GLG1: variants seen among roughly 807,000 people sequenced by gnomAD.
GLG1 encodes the protein golgi glycoprotein 1, also known as Golgi apparatus protein 1.
GLG1 carries 38 observed loss-of-function variants against 160.5 expected under a neutral mutation model. The ratio of observed to expected loss-of-function variants is 0.24; its 90% CI spans 0.18 to 0.31. The LOEUF (loss-of-function observed/expected upper bound fraction) is 0.31, where lower values mean the gene tolerates loss of function less well. Ranked by LOEUF, GLG1 falls within the 10% of genes least tolerant of loss-of-function variation. GLG1 has a pLI of 1.00. For synonymous variants in GLG1, 644 were observed against 543.4 expected (o/e 1.19, Z -2.57); for missense variants, 1,373 against 1,505.2 (o/e 0.91, Z 1.45).
At chr16:74,518,002 A>T (rs531894638) in intron 2 of GLG1, among the ~76,000 whole-genome samples, 44 of 152,246 alleles carry the variant, frequency 2.9e-4, no homozygotes, top group Non-Finnish European at 4.9e-4. Context: ...ATGGCTGTGA[A>T]GGACCTCTTC....
intron 3 of GLG1, among the ~76,000 whole-genome samples, chr16:74,507,396 A>G (rs186545407): frequency 2.1e-3 from 318 of 152,248 alleles, no homozygotes; most frequent in Middle Eastern, 3.4e-3. Flanking sequence ...CAAAACAAAC[A>G]TATGCGGGTA....
At chr16:74,576,715 T>C (rs1208325056) in intron 1 of GLG1, among the ~76,000 whole-genome samples, 2 of 152,206 alleles carry the variant, frequency 1.3e-5, no homozygotes, top group Non-Finnish European at 2.9e-5. Flanking sequence ...AACAAATCTA[T>C]TCTTTTTTAA....
At chr16:74,589,289 T>C (rs1958121920) in intron 1 of GLG1, among the ~76,000 whole-genome samples, 1 of 151,404 alleles carries the variant, frequency 6.6e-6, no homozygotes, top group Admixed American at 6.6e-5. Flanking sequence ...TGTTAAACCA[T>C]ATGAAAATGT....
chr16:74,490,543 T>C (rs570770506), intron 8 of GLG1, among the ~76,000 whole-genome samples: 7 of 152,336 alleles, frequency 4.6e-5, no homozygotes, highest in African/African-American at 1.7e-4. Context: ...ATGCGGTAAA[T>C]TAGTAACAGA....
rs1277790760 is a variant in GLG1 at position 74,448,823 on chromosome 16, T to A, written c.*4344A>T. Reference sequence around the variant, plus strand: ...TGTAATGCACTTTGGAAGGCCGAAGTGCACTTTGGCCGAAGTGGGCCACTT... The same window carrying A: ...TGTAATGCACTTTGGAAGGCCGAAGAGCACTTTGGCCGAAGTGGGCCACTT... On this transcript the variant is annotated 3_prime_UTR_variant, in exon 26 of 26. Transcript: ENST00000422840. 6.8e-6 allele frequency: 1 copy of A among 148,040 alleles called. No homozygotes were observed. The highest frequency in any genetic ancestry group is 1.5e-5 in the Non-Finnish European group (1 of 67,322). 9.2% of individuals were successfully genotyped at this position (148,040 alleles called of 1,614,324 possible).
chr16:74,461,895 C>T (rs1253768979), intron 22 of GLG1, 199 bp downstream of exon 22: 11 of 495,366 alleles, frequency 2.2e-5, no homozygotes, highest in South Asian at 1.6e-4. Flanking sequence ...TATGGAACAA[C>T]GCTTTAGAGT....
At chr16:74,512,440 T>C (rs2016844382) in intron 2 of GLG1, among the ~76,000 whole-genome samples, 1 of 152,154 alleles carries the variant, frequency 6.6e-6, no homozygotes, top group East Asian at 1.9e-4. Context: ...CATTTTTGAA[T>C]TTTTAGTAGA....
intron 15 of GLG1, 125 bp downstream of exon 15, chr16:74,471,048 C>T (rs996211504): frequency 7.4e-5 from 52 of 705,252 alleles, no homozygotes; most frequent in Middle Eastern, 3.9e-4. Context: ...TGAGCCACCA[C>T]GCCTGGCTGG....
intron 11 of GLG1, among the ~76,000 whole-genome samples, chr16:74,477,742 G>C (rs1175078276): frequency 3.3e-5 from 5 of 152,056 alleles, no homozygotes; most frequent in Non-Finnish European, 1.5e-5. Flanking sequence ...GGGAGGTCGA[G>C]GCGGGCGGAT....
At position 74,458,006 on chromosome 16, in the gene GLG1, G is replaced by A; in HGVS notation, c.3145-12C>T. The A allele has an allele frequency of 6.2e-7, 1 of 1,613,200 alleles. No homozygotes were observed. The highest frequency in any genetic ancestry group is 8.5e-7 in the Non-Finnish European group (1 of 1,179,214). On this transcript the variant is annotated splice_polypyrimidine_tract_variant and intron_variant, in intron 23 of 25. Coordinates refer to ENST00000422840, the MANE Select transcript of GLG1 (RefSeq NM_001145667.2). The stretch of plus-strand genomic sequence containing the variant: ...ATGTTTAGCACTTCCTGGAAAGGGA[G>A]GGTCATTGCAGACAGAGCTTTTGAA...
rs369114203 is a variant in GLG1 at position 74,462,058 on chromosome 16, G to C, written c.3036+36C>G. ...TCTCCAGTGGAAACTTCTCTGAGCA[G>C]CTCTGTGCGTAACCAGTTTTGCACG... On this transcript the variant is annotated intron_variant, in intron 22 of 25. Transcript: ENST00000422840. 8 of 1,064,854 alleles carry C rather than the reference G, an allele frequency of 7.5e-6. No homozygotes were observed. In the Middle Eastern group the frequency reaches 6.0e-4, roughly 80 times the overall value. The allele number at this position is 1,064,854 out of a possible 1,614,324, so 66.0% of individuals were successfully genotyped here.
At chr16:74,511,414 G>A (rs2016798906) in intron 2 of GLG1, among the ~76,000 whole-genome samples, 1 of 152,076 alleles carries the variant, frequency 6.6e-6, no homozygotes, top group Middle Eastern at 3.4e-3. Flanking sequence ...CACTTTGGGA[G>A]GCCAAGGTAG....
intron 2 of GLG1, among the ~76,000 whole-genome samples, chr16:74,511,043 C>A (rs1015857299): frequency 6.6e-6 from 1 of 152,086 alleles, no homozygotes; most frequent in Non-Finnish European, 1.5e-5. Context: ...AACCAGAAGT[C>A]CAATGGAGGA....
chr16:74,568,487 G>A lies in GLG1; in HGVS notation c.439-36334C>T, dbSNP rs181501707. 1.9e-4 allele frequency among the ~76,000 whole-genome samples: 29 copies of A among 149,652 alleles called. No individual in the cohort carries two copies. In the East Asian group the frequency reaches 3.7e-3, roughly 19 times the overall value. On this transcript the variant is annotated intron_variant, in intron 1 of 25. Coordinates refer to ENST00000422840, the MANE Select transcript of GLG1 (RefSeq NM_001145667.2). ...GGCTGGAGTGCAATGGCATGATCTC[G>A]GCTCACTGGAACCTCCGCCTCCCGG...
chr16:74,508,957 A>G (rs1350843476), intron 2 of GLG1, 32 bp from the exon 3 acceptor site: 1 of 895,330 alleles, frequency 1.1e-6, no homozygotes, highest in Non-Finnish European at 1.8e-6. Flanking sequence ...AAAACAAAGA[A>G]AAACTCCAGT....
chr16:74,513,878 A>C (rs530118176), intron 2 of GLG1, among the ~76,000 whole-genome samples: 1 of 152,306 alleles, frequency 6.6e-6, no homozygotes, highest in South Asian at 2.1e-4. Context: ...ATCAAAAGGA[A>C]GCTAAAAACC....
intron 1 of GLG1, among the ~76,000 whole-genome samples, chr16:74,569,463 C>G (rs981753519): frequency 6.6e-6 from 1 of 152,182 alleles, no homozygotes; most frequent in Non-Finnish European, 1.5e-5. Flanking sequence ...ATTCACAAAC[C>G]TGGAACACAT....
intron 1 of GLG1, among the ~76,000 whole-genome samples, chr16:74,590,330 G>C (rs1000862247): frequency 6.6e-6 from 1 of 151,852 alleles, no homozygotes; most frequent in African/African-American, 2.4e-5. Context: ...ATTATAAGAA[G>C]TTTCAGGCCA....
At chr16:74,470,343 CTCCT>C (rs1022192389) in intron 15 of GLG1, among the ~76,000 whole-genome samples, 76 of 141,716 alleles carry the variant, frequency 5.4e-4, no homozygotes, top group African/African-American at 1.9e-3. Flanking sequence ...CTTTCCTTCC[CTCCT>C]TCCTTCCTTC....
Sources: allele counts gnomAD v4.1 joint callset (sites outside exome capture counted in the v4.1 genomes callset), GRCh38; gene constraint gnomAD v4.1.1; transcripts MANE v1.5; gene names NCBI Gene and HGNC (gene_info 2026-07-23, HGNC 2026-07-21).